THAP12: variants seen among roughly 807,000 people sequenced by gnomAD.
The protein encoded by THAP12 is THAP domain containing 12.
Under a neutral mutation model 63.0 loss-of-function variants are expected in THAP12, and 20 were observed. That is an observed-to-expected ratio of 0.32 (90% CI 0.22 to 0.46). THAP12 has a LOEUF of 0.46. Ranked by LOEUF, THAP12 falls within the 20% of genes least tolerant of loss-of-function variation. THAP12 has a pLI of 1.00. For missense variants in THAP12, 568 were observed against 908.2 expected (o/e 0.63, Z 4.81); for synonymous variants, 264 against 328.4 (o/e 0.80, Z 2.12).
chr11:76,368,515 G>A (rs931663635), intron 1 of THAP12: 1 of 152,162 alleles, frequency 6.6e-6, no homozygotes, highest in Non-Finnish European at 1.5e-5. Context: ...TTGAGAGAGA[G>A]AGAGGAAAAA....
chr11:76,373,082 T>A (rs1215706631), intron 1 of THAP12, among the ~76,000 whole-genome samples: 2 of 152,172 alleles, frequency 1.3e-5, no homozygotes, highest in Admixed American at 6.5e-5. Flanking sequence ...AAATAATGTA[T>A]ATATAACAGA....
chr11:76,377,553 T>A (rs1232807814), intron 1 of THAP12, among the ~76,000 whole-genome samples: 1 of 152,252 alleles, frequency 6.6e-6, no homozygotes, highest in Non-Finnish European at 1.5e-5. Context: ...TTTCTGAGGT[T>A]CACCCATACT....
rs536601228 is a variant in THAP12 at position 76,380,715 on chromosome 11, G to T, written c.89+33C>A. On this transcript the variant is annotated intron_variant, in intron 1 of 4. Coordinates refer to ENST00000260045, the MANE Select transcript of THAP12 (RefSeq NM_004705.4). ...CTGGCAGCGCTCACCGCGAAGGTGGGCCCGGGCCGCCCGCTCTGCGCCCGC... is the reference window on the plus strand; with the variant it reads ...CTGGCAGCGCTCACCGCGAAGGTGGTCCCGGGCCGCCCGCTCTGCGCCCGC... 348 of 1,375,638 alleles carry T rather than the reference G, an allele frequency of 2.5e-4. 4 individuals are homozygous for T. The South Asian group carries it at 5.4e-3, about 21-fold the overall frequency. 85.2% of individuals were successfully genotyped at this position (1,375,638 alleles called of 1,614,324 possible).
At chr11:76,376,348 T>C (rs930901457) in intron 1 of THAP12, among the ~76,000 whole-genome samples, 56 of 152,116 alleles carry the variant, frequency 3.7e-4, no homozygotes, top group African/African-American at 1.3e-3. Context: ...TTCAAAGGAG[T>C]CTAACGTTGA....
intron 1 of THAP12, 62 bp downstream of exon 1, chr11:76,380,686 G>T: frequency 2.4e-6 from 3 of 1,248,022 alleles, no homozygotes; most frequent in Non-Finnish European, 3.1e-6. Context: ...CCAGGGGCCG[G>T]CGGCTGGCAG....
chr11:76,355,455 C>T (rs369835911), intron 4 of THAP12, among the ~76,000 whole-genome samples, 163 bp downstream of exon 4: 8 of 152,176 alleles, frequency 5.3e-5, no homozygotes, highest in African/African-American at 1.9e-4. Flanking sequence ...TAAAATTAGA[C>T]TTTAGTCTCA....
chr11:76,350,134 AAGAC>A lies in THAP12; in HGVS notation c.*726_*729del, dbSNP rs1251783981. 7 of 152,752 alleles carry A rather than the reference AAGAC, an allele frequency of 4.6e-5. No individual in the cohort carries two copies. Among genetic ancestry groups the A allele is most frequent in the Admixed American group, 6.5e-5 (1 of 15,280 alleles). 9.5% of individuals were successfully genotyped at this position (152,752 alleles called of 1,614,324 possible). ...AGGCAGTATATAAGAGTCATGGAAA[AAGAC>A]AGAGAAAAAAAACAGACAAATCAGT... On this transcript the variant is annotated 3_prime_UTR_variant, in exon 5 of 5. Coordinates refer to ENST00000260045, the MANE Select transcript of THAP12 (RefSeq NM_004705.4).
At chr11:76,358,020 G>C (rs1946572709) in intron 3 of THAP12, 2 of 152,020 alleles carry the variant, frequency 1.3e-5, no homozygotes, top group South Asian at 4.1e-4. Flanking sequence ...GATTATTAAA[G>C]TTTCATAAAC....
Position 76,355,521 on chromosome 11 carries a change from G to A in THAP12, c.355+97C>T, listed in dbSNP as rs373885419. 3.3e-5 allele frequency: 37 copies of A among 1,105,060 alleles called. No homozygotes were observed. The East Asian group carries it at 6.6e-4, about 20-fold the overall frequency. 68.5% of individuals were successfully genotyped at this position (1,105,060 alleles called of 1,614,324 possible). A position where few individuals can be genotyped will look rare whatever the true frequency, so the allele number is the denominator to read the frequency against. On this transcript the variant is annotated intron_variant, in intron 4 of 4. Transcript: ENST00000260045. The stretch of plus-strand genomic sequence containing the variant: ...AGCACACTCCTACATTCATTCTCAA[G>A]GTAGGTTTTCAACACAGAACATATT...
At chr11:76,366,509 G>A (rs903092213) in intron 1 of THAP12, among the ~76,000 whole-genome samples, 16 of 152,102 alleles carry the variant, frequency 1.1e-4, no homozygotes, top group African/African-American at 2.7e-4. Context: ...GTGAAACCCC[G>A]TCTCTACTAA....
intron 2 of THAP12, among the ~76,000 whole-genome samples, chr11:76,362,141 A>G (rs1468804711): frequency 6.6e-6 from 1 of 152,232 alleles, no homozygotes. Context: ...ACAGTAATAA[A>G]TAACTGCTAT....
At chr11:76,374,664 C>T (rs1296005798) in intron 1 of THAP12, among the ~76,000 whole-genome samples, 1 of 152,274 alleles carries the variant, frequency 6.6e-6, no homozygotes, top group South Asian at 2.1e-4. Flanking sequence ...TATGTAGCAA[C>T]CCAAAAATTC....
chr11:76,367,780 G>T (rs575961470), intron 1 of THAP12, among the ~76,000 whole-genome samples: 5 of 151,502 alleles, frequency 3.3e-5, no homozygotes, highest in African/African-American at 1.2e-4. Context: ...TAACACTATT[G>T]TCCACCTCCC....
Position 76,352,599 on chromosome 11 carries a change from T to C in THAP12, c.551A>G (p.Asp184Gly). 6.2e-7 allele frequency: 1 copy of C among 1,611,962 alleles called. No individual in the cohort carries two copies. The highest frequency in any genetic ancestry group is 2.2e-5 in the East Asian group (1 of 44,890). ...TGGGATTTCATCAGCCTCATGTCCA[T>C]CCAGAGGTATGTTTTGCTTTCCCAT... is the stretch of plus-strand genomic sequence containing the variant. ...ILMGKQNIPL[D>G]GHEADEIPEG... The change falls in exon 5 of 5, where the codon GAT becomes GGT. Residue 184 changes from aspartate to glycine, a missense_variant. By Grantham distance (94) the Asp-to-Gly change is moderately conservative. Transcript: ENST00000260045.
intron 1 of THAP12, among the ~76,000 whole-genome samples, chr11:76,378,598 CT>C (rs1335893028): frequency 6.4e-4 from 93 of 144,920 alleles, no homozygotes; most frequent in South Asian, 1.3e-3. Context: ...GACATCTATT[CT>C]TTTTTTTTTT....
chr11:76,375,155 C>A (rs972003356), intron 1 of THAP12, among the ~76,000 whole-genome samples: 9 of 152,234 alleles, frequency 5.9e-5, no homozygotes, highest in African/African-American at 1.9e-4. Flanking sequence ...AGCTCTCAAT[C>A]AGCCTTCATT....
chr11:76,353,816 C>T (rs984375610), intron 4 of THAP12, among the ~76,000 whole-genome samples: 1 of 152,170 alleles, frequency 6.6e-6, no homozygotes, highest in Non-Finnish European at 1.5e-5. Flanking sequence ...TGAGACCAGC[C>T]TGGCCAATAT....
At chr11:76,362,051 T>C (rs1052521889) in intron 2 of THAP12, among the ~76,000 whole-genome samples, 1 of 152,350 alleles carries the variant, frequency 6.6e-6, no homozygotes, top group African/African-American at 2.4e-5. Flanking sequence ...GGCTAGAAGC[T>C]GGATGCATAC....
intron 4 of THAP12, among the ~76,000 whole-genome samples, chr11:76,353,970 C>T (rs1946544067): frequency 6.6e-6 from 1 of 152,238 alleles, no homozygotes; most frequent in Admixed American, 6.5e-5. Context: ...GATCGTGCCA[C>T]TGCACTCCAG....
Sources: gnomAD v4.1 joint callset for allele counts (sites outside exome capture counted in the v4.1 genomes callset) on GRCh38, gnomAD v4.1.1 for gene constraint, MANE v1.5 for transcripts, NCBI Gene and HGNC (gene_info 2026-07-23, HGNC 2026-07-21) for gene names.